Variants in DCDC2 observed in about 807,000 individuals in gnomAD.
The protein encoded by DCDC2 is doublecortin domain-containing protein 2.
A neutral mutation model predicts 50.2 loss-of-function variants in DCDC2; 40 were observed. The ratio of observed to expected loss-of-function variants is 0.80; its 90% confidence interval spans 0.62 to 1.04. The LOEUF (loss-of-function observed/expected upper bound fraction) is 1.04. Among genes scored for constraint, DCDC2 ranks in the 50% least tolerant of loss-of-function variants. DCDC2 has a pLI of 0.00. For missense variants in DCDC2, 570 were observed against 581.9 expected (o/e 0.98, Z 0.21); for synonymous variants, 234 against 210.6 (o/e 1.11, Z -0.96).
chr6:24,197,537 C>T (rs1216096423), intron 8 of DCDC2, among the ~76,000 whole-genome samples: 3 of 152,084 alleles, frequency 2.0e-5, no homozygotes, highest in South Asian at 4.1e-4. Context: ...TTTCACTTTC[C>T]CTCAGGAAAA....
intron 2 of DCDC2, among the ~76,000 whole-genome samples, chr6:24,346,683 G>A (rs1760263071): frequency 6.6e-6 from 1 of 151,872 alleles, no homozygotes; most frequent in South Asian, 2.1e-4. Context: ...GAACGCGGGA[G>A]GTAGATGTTG....
At chr6:24,218,542 G>C (rs1258677412) in intron 7 of DCDC2, among the ~76,000 whole-genome samples, 3 of 152,294 alleles carry the variant, frequency 2.0e-5, no homozygotes, top group Non-Finnish European at 2.9e-5. Context: ...ACCAGGGCTT[G>C]AGTGCAGTGG....
rs142944511 is a variant in DCDC2, at chr6:24,232,350, G to A, written c.923-27248C>T. On this transcript the variant is annotated intron_variant, in intron 7 of 9. Coordinates refer to ENST00000378454, the MANE Select transcript of DCDC2 (RefSeq NM_016356.5). ...CCTACAAACAGAAGGACATTCTCTC[G>A]TTTAAATGAGCACACTGCTGTCACT... Among the ~76,000 whole-genome samples, 288 of 152,284 alleles carry A rather than the reference G, an allele frequency of 1.9e-3. 1 individual carries two copies. The highest frequency in any genetic ancestry group is 6.1e-3 in the African/African-American group (254 of 41,564).
chr6:24,289,000 T>C (rs1006095466), intron 5 of DCDC2, 94 bp from the exon 6 acceptor site: 3 of 875,698 alleles, frequency 3.4e-6, no homozygotes, highest in South Asian at 1.7e-5. Flanking sequence ...AAGTCAACTG[T>C]TTACTGCTGT....
At chr6:24,355,741 C>A (rs1347116098) in intron 1 of DCDC2, among the ~76,000 whole-genome samples, 1 of 151,982 alleles carries the variant, frequency 6.6e-6, no homozygotes, top group African/African-American at 2.4e-5. Flanking sequence ...AAAATAAATC[C>A]AAATATATCC....
intron 7 of DCDC2, among the ~76,000 whole-genome samples, chr6:24,264,125 G>GTA (rs1348833526): frequency 6.6e-6 from 1 of 152,162 alleles, no homozygotes; most frequent in African/African-American, 2.4e-5. Flanking sequence ...TCCTAGAAAA[G>GTA]TATATCCAGC....
the DCDC2 span, among the ~76,000 whole-genome samples, chr6:24,374,980 T>C: frequency 6.6e-6 from 1 of 152,124 alleles, no homozygotes; most frequent in Non-Finnish European, 1.5e-5. Context: ...CCCACAGGGG[T>C]GCTAGAGCCA....
At chr6:24,231,557 C>G (rs1762336192) in intron 7 of DCDC2, among the ~76,000 whole-genome samples, 1 of 152,094 alleles carries the variant, frequency 6.6e-6, no homozygotes, top group Non-Finnish European at 1.5e-5. Flanking sequence ...AAGAACAATC[C>G]TCCCCTCCCC....
chr6:24,264,167 C>T (rs72830854), intron 7 of DCDC2, among the ~76,000 whole-genome samples: 14,266 of 152,168 alleles, frequency 0.094, 828 homozygotes, highest in East Asian at 0.17. Flanking sequence ...AGGAGAAATG[C>T]TTTCCCAGAC....
At chr6:24,236,538 G>C (rs1050385277) in intron 7 of DCDC2, among the ~76,000 whole-genome samples, 1 of 152,156 alleles carries the variant, frequency 6.6e-6, no homozygotes, top group African/African-American at 2.4e-5. Context: ...AACAAAACTT[G>C]ACAAGTGGGA....
chr6:24,221,546 C>T (rs1458595245), intron 7 of DCDC2, among the ~76,000 whole-genome samples: 1 of 152,196 alleles, frequency 6.6e-6, no homozygotes, highest in Non-Finnish European at 1.5e-5. Context: ...GAGGAGACGA[C>T]ACTGTTTCAT....
chr6:24,300,389 T>C (rs1478475813), intron 4 of DCDC2, among the ~76,000 whole-genome samples: 1 of 152,046 alleles, frequency 6.6e-6, no homozygotes, highest in Non-Finnish European at 1.5e-5. Context: ...CTCAAAAAAA[T>C]GAAATTAAAA....
intron 7 of DCDC2, among the ~76,000 whole-genome samples, chr6:24,210,066 GT>G (rs879846439): frequency 0.031 from 4,743 of 150,768 alleles, 78 homozygotes; most frequent in African/African-American, 0.049. Flanking sequence ...CTGTCTGTCT[GT>G]CTGTCTGCCT....
intron 2 of DCDC2, among the ~76,000 whole-genome samples, chr6:24,314,917 T>C (rs1759634790): frequency 6.6e-6 from 1 of 152,150 alleles, no homozygotes; most frequent in African/African-American, 2.4e-5. Context: ...TAACCAAAAC[T>C]GATATACTAG....
intron 2 of DCDC2, among the ~76,000 whole-genome samples, chr6:24,351,276 A>G (rs529700614): frequency 8.1e-4 from 124 of 152,286 alleles, no homozygotes; most frequent in African/African-American, 2.7e-3. Context: ...GGAGGAAGGT[A>G]TCTCCGGACT....
chr6:24,282,255 G>GTT (rs77118658), intron 6 of DCDC2, among the ~76,000 whole-genome samples: 17,234 of 149,500 alleles, frequency 0.12, 992 homozygotes, highest in East Asian at 0.16. Flanking sequence ...TTTTTGTTTT[G>GTT]TTTTTTTTTG....
chr6:24,210,920 ACT>A (rs983819141), intron 7 of DCDC2, among the ~76,000 whole-genome samples: 2 of 151,898 alleles, frequency 1.3e-5, no homozygotes, highest in Non-Finnish European at 2.9e-5. Flanking sequence ...TCACTAGAAA[ACT>A]CTCTCCTGCC....
chr6:24,315,371 T>A (rs772873464), intron 2 of DCDC2, among the ~76,000 whole-genome samples: 3 of 151,974 alleles, frequency 2.0e-5, no homozygotes, highest in African/African-American at 4.8e-5. Flanking sequence ...TACATGATAC[T>A]CCCCTTCCAA....
At chr6:24,223,926 A>G (rs1257191238) in intron 7 of DCDC2, among the ~76,000 whole-genome samples, 1 of 152,210 alleles carries the variant, frequency 6.6e-6, no homozygotes, top group African/African-American at 2.4e-5. Flanking sequence ...CTTTCCCATC[A>G]ATGGGAAATA....
Sources: allele counts gnomAD v4.1 joint callset (sites outside exome capture counted in the v4.1 genomes callset), GRCh38; gene constraint gnomAD v4.1.1; transcripts MANE v1.5; gene names NCBI Gene and HGNC (gene_info 2026-07-23, HGNC 2026-07-21).